The following RNF121 variants were observed in gnomAD, a reference collection of about 807,000 sequenced individuals.
The protein encoded by RNF121 is ring finger protein 121, also known as E3 ubiquitin ligase RNF121.
A neutral mutation model predicts 46.5 loss-of-function variants in RNF121; 21 were observed. That is an observed-to-expected ratio of 0.45 (90% CI 0.32 to 0.65). The LOEUF (loss-of-function observed/expected upper bound fraction) is 0.65. Ranked by LOEUF, RNF121 falls within the 30% of genes least tolerant of loss-of-function variation. The pLI is 0.04. For missense variants in RNF121, 346 were observed against 416.0 expected (o/e 0.83, Z 1.46); for synonymous variants, 139 against 144.7 (o/e 0.96, Z 0.28).
intron 2 of RNF121, among the ~76,000 whole-genome samples, chr11:71,958,257 A>G (rs1025294223): frequency 6.6e-6 from 1 of 152,250 alleles, no homozygotes; most frequent in African/African-American, 2.4e-5. Context: ...ATCATGTTAT[A>G]TGAACAGTGG....
Position 71,995,443 on chromosome 11 carries a change from T to G in RNF121, c.762-7T>G. 1 of 1,569,578 alleles carries G rather than the reference T, an allele frequency of 6.4e-7. No individual in the cohort carries two copies. The highest frequency in any genetic ancestry group is 8.7e-7 in the Non-Finnish European group (1 of 1,155,046). ...TCTCACCATTTCCCTTGACCAGCGG[T>G]GCTCAGCTTCCACGAGTTCTGCATC... On this transcript the variant is annotated splice_polypyrimidine_tract_variant and splice_region_variant and intron_variant, in intron 7 of 8. Transcript: ENST00000361756.
chr11:71,964,710 C>T (rs2134182108), intron 3 of RNF121, among the ~76,000 whole-genome samples: 1 of 152,304 alleles, frequency 6.6e-6, no homozygotes, highest in East Asian at 1.9e-4. Flanking sequence ...CCCTCCTGAA[C>T]TCAAGCAATC....
At chr11:71,992,289 A>G (rs200123731) in intron 6 of RNF121, among the ~76,000 whole-genome samples, 1 of 152,338 alleles carries the variant, frequency 6.6e-6, no homozygotes, top group African/African-American at 2.4e-5. Context: ...CGCTACAACA[A>G]CAGCCACTGT....
chr11:71,938,314 A>AT (rs71958930), intron 1 of RNF121, among the ~76,000 whole-genome samples: 1,283 of 94,834 alleles, frequency 0.014, 85 homozygotes, highest in African/African-American at 0.044. Context: ...TAGTCTCTTA[A>AT]TTTTTTTTTT....
At chr11:71,973,296 C>T (rs919350019) in intron 3 of RNF121, among the ~76,000 whole-genome samples, 7 of 151,948 alleles carry the variant, frequency 4.6e-5, no homozygotes, top group African/African-American at 7.3e-5. Context: ...AGTTTGAGAC[C>T]AGCCTGGGCA....
At chr11:71,936,585 G>A (rs917458523) in intron 1 of RNF121, among the ~76,000 whole-genome samples, 6 of 151,456 alleles carry the variant, frequency 4.0e-5, no homozygotes, top group African/African-American at 9.7e-5. Context: ...TAGTAGAGAC[G>A]GGGTTTCACC....
At chr11:71,933,135 A>G (rs1009030444) in intron 1 of RNF121, among the ~76,000 whole-genome samples, 3 of 152,206 alleles carry the variant, frequency 2.0e-5, no homozygotes, top group African/African-American at 7.2e-5. Context: ...AGGGGAGGCT[A>G]ACCAACCTCT....
intron 1 of RNF121, among the ~76,000 whole-genome samples, chr11:71,955,283 A>G (rs540637335): frequency 2.0e-5 from 3 of 152,268 alleles, no homozygotes; most frequent in East Asian, 3.9e-4. Context: ...ATGAGACTGA[A>G]TGACTAACAT....
chr11:71,937,898 T>C (rs571295776), intron 1 of RNF121, among the ~76,000 whole-genome samples: 1 of 152,326 alleles, frequency 6.6e-6, no homozygotes, highest in East Asian at 1.9e-4. Flanking sequence ...CTTGAAGTCA[T>C]TTGCTACCTC....
At chr11:71,981,827 G>A (rs138736756) in intron 3 of RNF121, among the ~76,000 whole-genome samples, 2 of 152,302 alleles carry the variant, frequency 1.3e-5, no homozygotes, top group African/African-American at 4.8e-5. Flanking sequence ...TTTAGAGGAA[G>A]TGGGAATATG....
intron 1 of RNF121, among the ~76,000 whole-genome samples, chr11:71,930,189 C>T (rs1565134881): frequency 6.6e-6 from 1 of 152,188 alleles, no homozygotes; most frequent in Non-Finnish European, 1.5e-5. Flanking sequence ...TGTTTGTGAT[C>T]TTGCACATGC....
intron 1 of RNF121, among the ~76,000 whole-genome samples, chr11:71,956,822 A>C (rs1331241372): frequency 6.6e-6 from 1 of 152,198 alleles, no homozygotes; most frequent in Non-Finnish European, 1.5e-5. Flanking sequence ...TCCTCCATAA[A>C]GCCTTCCCTA....
At chr11:71,992,710 C>T (rs1954887388) in intron 6 of RNF121, among the ~76,000 whole-genome samples, 1 of 152,168 alleles carries the variant, frequency 6.6e-6, no homozygotes. Context: ...TCGGCAACTG[C>T]TTGGATGGTA....
intron 3 of RNF121, chr11:71,978,204 A>AAATTTTATTTG (rs1392575238): frequency 4.4e-6 from 2 of 452,218 alleles, no homozygotes; most frequent in Admixed American, 4.8e-5. Flanking sequence ...CCCGGCCTAC[A>AAATTTTATTTG]GTAGAAATTT....
chr11:71,972,127 G>A (rs570764950), intron 3 of RNF121, among the ~76,000 whole-genome samples: 1 of 152,280 alleles, frequency 6.6e-6, no homozygotes, highest in South Asian at 2.1e-4. Context: ...CTAAGAAACA[G>A]AAAGATGTGT....
intron 3 of RNF121, among the ~76,000 whole-genome samples, chr11:71,974,904 C>T (rs1016011287): frequency 6.6e-6 from 1 of 152,214 alleles, no homozygotes; most frequent in South Asian, 2.1e-4. Context: ...TTGGCTTCTG[C>T]GTAGCTCAGT....
chr11:71,953,898 A>C (rs888033346), intron 1 of RNF121, among the ~76,000 whole-genome samples: 1 of 152,218 alleles, frequency 6.6e-6, no homozygotes, highest in African/African-American at 2.4e-5. Flanking sequence ...TCAACTTCTC[A>C]TAATTTTTCA....
At chr11:71,963,139 T>A (rs1386394307) in intron 3 of RNF121, among the ~76,000 whole-genome samples, 2 of 152,210 alleles carry the variant, frequency 1.3e-5, no homozygotes, top group Admixed American at 1.3e-4. Flanking sequence ...TTTAAAATAT[T>A]TCCTCACATT....
intron 2 of RNF121, among the ~76,000 whole-genome samples, chr11:71,959,532 G>C (rs10751189): frequency 0.81 from 123,381 of 152,016 alleles, 52,116 homozygotes; most frequent in Non-Finnish European, 0.94. Context: ...TATGACTCAA[G>C]TTACATTTGT....
Sources: gnomAD v4.1 joint callset for allele counts (sites outside exome capture counted in the v4.1 genomes callset) on GRCh38, gnomAD v4.1.1 for gene constraint, MANE v1.5 for transcripts, NCBI Gene and HGNC (gene_info 2026-07-23, HGNC 2026-07-21) for gene names.